Variants in TMEM132D observed in about 807,000 individuals in gnomAD.
TMEM132D encodes the protein transmembrane protein 132D.
A neutral mutation model predicts 62.3 loss-of-function variants in TMEM132D; 21 were observed. That is an observed-to-expected ratio of 0.34 (90% confidence interval 0.24 to 0.49). TMEM132D has a LOEUF of 0.49. TMEM132D is among the 20% of genes least tolerant of loss of function. TMEM132D has a pLI of 0.99. For missense variants in TMEM132D, 1,346 were observed against 1,402.8 expected, an observed-to-expected ratio of 0.96 and a Z score of 0.65; for synonymous variants, 621 against 575.6, an observed-to-expected ratio of 1.08 and a Z score of -1.13.
Position 129,356,697 on chromosome 12 carries a change from T to TAAAA in TMEM132D, c.1116-18884_1116-18881dup, listed in dbSNP as rs1870067217. Among the ~76,000 whole-genome samples the TAAAA allele has an allele frequency of 1.4e-4, 20 of 141,106 alleles. No individual in the cohort carries two copies. The South Asian group carries it at 3.9e-3, about 28-fold the overall frequency. 92.6% of individuals were successfully genotyped at this position (141,106 alleles called of 152,430 possible). A position where few individuals can be genotyped will look rare whatever the true frequency, so the allele number is the denominator to read the frequency against. On this transcript the variant is annotated intron_variant, in intron 3 of 8. Coordinates refer to ENST00000422113, the MANE Select transcript of TMEM132D (RefSeq NM_133448.3). ...ATAAATAAATAAATAAATAAATAAA[T>TAAAA]AAAATAAAAATACAAAAATTAGCCA...
intron 4 of TMEM132D, among the ~76,000 whole-genome samples, chr12:129,297,051 C>T (rs1036716324): frequency 6.6e-6 from 1 of 152,124 alleles, no homozygotes; most frequent in African/African-American, 2.4e-5. Context: ...TGTGCCTGTC[C>T]AGAGAAAGTT....
At chr12:129,146,498 T>A (rs1876903026) in intron 5 of TMEM132D, among the ~76,000 whole-genome samples, 1 of 152,184 alleles carries the variant, frequency 6.6e-6, no homozygotes, top group South Asian at 2.1e-4. Context: ...ACATCAACCC[T>A]TAATGTCACC....
chr12:129,620,229 A>G (rs155722), intron 2 of TMEM132D, among the ~76,000 whole-genome samples: 148,684 of 152,316 alleles, frequency 0.98, 72,659 homozygotes, highest in East Asian at 1. Flanking sequence ...CGTGGCAGCC[A>G]CTTCCCTGCT....
At chr12:129,468,677 T>C (rs1044377925) in intron 3 of TMEM132D, among the ~76,000 whole-genome samples, 8 of 152,228 alleles carry the variant, frequency 5.3e-5, no homozygotes, top group Non-Finnish European at 1.2e-4. Context: ...GTGATTATAC[T>C]TTTTCCTCTT....
At chr12:129,106,145 T>G (rs1875489372) in intron 5 of TMEM132D, among the ~76,000 whole-genome samples, 1 of 151,388 alleles carries the variant, frequency 6.6e-6, no homozygotes, top group African/African-American at 2.4e-5. Context: ...GAAATCATCA[T>G]TCTCAGTAAA....
chr12:129,364,432 TG>T (rs1391443415), intron 3 of TMEM132D, among the ~76,000 whole-genome samples: 1 of 152,256 alleles, frequency 6.6e-6, no homozygotes, highest in East Asian at 1.9e-4. Context: ...GCAGTGTTGA[TG>T]AACTGAGATC....
At chr12:129,153,717 C>T (rs953258546) in intron 5 of TMEM132D, among the ~76,000 whole-genome samples, 1 of 152,074 alleles carries the variant, frequency 6.6e-6, no homozygotes, top group Non-Finnish European at 1.5e-5. Flanking sequence ...GGGGTGCCTC[C>T]AGCAGTAGGG....
intron 3 of TMEM132D, among the ~76,000 whole-genome samples, chr12:129,369,968 C>T (rs1449884835): frequency 2.6e-5 from 4 of 152,114 alleles, no homozygotes; most frequent in South Asian, 2.1e-4. Context: ...GCACAGCCAG[C>T]GTGGGACAGT....
rs538600326 is a variant in TMEM132D, at chr12:129,285,589, C to T, written c.1299+52045G>A. ...TATCATCCCAGAAATGGGATAACCA[C>T]TTCCAGACCAGCTACCATTGGTGTA... On this transcript the variant is annotated intron_variant, in intron 4 of 8. Coordinates refer to ENST00000422113, the MANE Select transcript of TMEM132D (RefSeq NM_133448.3). Among the ~76,000 whole-genome samples, 38 of 148,564 alleles carry T rather than the reference C, an allele frequency of 2.6e-4. 1 individual carries two copies. The South Asian group carries it at 8.2e-3, about 32-fold the overall frequency.
At chr12:129,351,363 A>C (rs1869856384) in intron 3 of TMEM132D, among the ~76,000 whole-genome samples, 1 of 152,228 alleles carries the variant, frequency 6.6e-6, no homozygotes, top group Admixed American at 6.5e-5. Flanking sequence ...ATCAGTATCC[A>C]GTTACAAGTT....
chr12:129,199,726 G>A (rs1878646768), intron 5 of TMEM132D, among the ~76,000 whole-genome samples: 3 of 152,158 alleles, frequency 2.0e-5, no homozygotes, highest in African/African-American at 7.2e-5. Flanking sequence ...CTTACATGGT[G>A]GCAAGCAAGA....
intron 5 of TMEM132D, among the ~76,000 whole-genome samples, chr12:129,183,311 G>C (rs1878118230): frequency 6.6e-6 from 1 of 152,232 alleles, no homozygotes; most frequent in Non-Finnish European, 1.5e-5. Context: ...ACAGGTGAGA[G>C]TGGCCGCTGT....
At chr12:129,407,397 G>A (rs915658318) in intron 3 of TMEM132D, among the ~76,000 whole-genome samples, 1 of 152,096 alleles carries the variant, frequency 6.6e-6, no homozygotes, top group African/African-American at 2.4e-5. Context: ...TCCTCTCTCC[G>A]TCTCTGGGAA....
In TMEM132D at chr12:129,576,031, C is replaced by T. The variant is rs1233042205; in HGVS notation, c.969-44826G>A. 4.9e-4 allele frequency among the ~76,000 whole-genome samples: 2 copies of T among 4,090 alleles called. 1 individual carries two copies. Among genetic ancestry groups the T allele is most frequent in the Non-Finnish European group, 1.4e-3 (2 of 1,464 alleles). 2.7% of individuals were successfully genotyped at this position (4,090 alleles called of 152,430 possible). ...CCTCGTGATCCACCCGCCTCGGCCT[C>T]CCAAAGTGCTGGGATTACAGGCGTG... On this transcript the variant is annotated intron_variant, in intron 2 of 8. Coordinates refer to ENST00000422113, the MANE Select transcript of TMEM132D (RefSeq NM_133448.3).
chr12:129,730,797 T>C (rs1253459718), intron 1 of TMEM132D, among the ~76,000 whole-genome samples: 1 of 151,844 alleles, frequency 6.6e-6, no homozygotes, highest in Admixed American at 6.5e-5. Context: ...CCTCCATCTT[T>C]CTCCCGTGCT....
chr12:129,515,707 C>A (rs1191513272), intron 3 of TMEM132D, among the ~76,000 whole-genome samples: 1 of 152,142 alleles, frequency 6.6e-6, no homozygotes, highest in African/African-American at 2.4e-5. Context: ...CAGGGGGAAT[C>A]TAAACAAGCA....
intron 3 of TMEM132D, among the ~76,000 whole-genome samples, chr12:129,413,485 CTAATA>C (rs1872028341): frequency 6.6e-6 from 1 of 150,520 alleles, no homozygotes; most frequent in African/African-American, 2.4e-5. Context: ...TGAAAACAGA[CTAATA>C]TAATAAGTGA....
At chr12:129,632,870 C>A (rs1879383024) in intron 2 of TMEM132D, among the ~76,000 whole-genome samples, 1 of 152,198 alleles carries the variant, frequency 6.6e-6, no homozygotes, top group Admixed American at 6.5e-5. Flanking sequence ...CTTTGTGACA[C>A]TTTGTCAGCC....
chr12:129,777,172 G>C (rs1870966106), intron 1 of TMEM132D, among the ~76,000 whole-genome samples: 1 of 152,202 alleles, frequency 6.6e-6, no homozygotes, highest in African/African-American at 2.4e-5. Context: ...ACCAGGAATA[G>C]GAAGAGTGGT....
Sources: allele counts gnomAD v4.1 joint callset (sites outside exome capture counted in the v4.1 genomes callset), GRCh38; gene constraint gnomAD v4.1.1; transcripts MANE v1.5; gene names NCBI Gene and HGNC (gene_info 2026-07-23, HGNC 2026-07-21).